Variants in CD55 observed in about 807,000 individuals in gnomAD.
CD55 encodes the protein CD55 molecule (Cromer blood group).
A neutral mutation model predicts 45.8 loss-of-function variants in CD55; 41 were observed. The ratio of observed to expected loss-of-function variants is 0.90; its 90% CI spans 0.70 to 1.16. The LOEUF (loss-of-function observed/expected upper bound fraction) is 1.16, where lower values mean the gene tolerates loss of function less well. Among genes scored for constraint, CD55 ranks in the 50% most tolerant of loss-of-function variants. The pLI, the probability that CD55 is intolerant of heterozygous loss-of-function variation, is 0.00. For synonymous variants in CD55, 181 were observed against 181.1 expected (o/e 1.00, Z 0.01); for missense variants, 416 against 469.8 (o/e 0.89, Z 1.06).
In CD55 at chr1:207,348,797, G is replaced by C. The variant is rs180886535; in HGVS notation, c.1081+9380G>C. ...TCAATCTTCTGCATATGGCTAGCCA[G>C]TTATAGCATTTATTGAATAGAGAAT... On this transcript the variant is annotated intron_variant, in intron 9 of 9. Coordinates refer to ENST00000367064, the MANE Select transcript of CD55 (RefSeq NM_000574.5). Among the ~76,000 whole-genome samples, 64 of 152,182 alleles carry C rather than the reference G, an allele frequency of 4.2e-4. No homozygotes were observed. In the East Asian group the frequency reaches 0.011, roughly 26 times the overall value.
intron 9 of CD55, among the ~76,000 whole-genome samples, chr1:207,357,503 T>C (rs1656122059): frequency 6.7e-6 from 1 of 148,758 alleles, no homozygotes; most frequent in African/African-American, 2.5e-5. Context: ...GTATAGAGTA[T>C]TATCAATTTA....
At chr1:207,334,246 G>T (rs28738984) in intron 6 of CD55, among the ~76,000 whole-genome samples, 3,021 of 152,208 alleles carry the variant, frequency 0.02, 103 homozygotes, top group African/African-American at 0.067. Flanking sequence ...TTAAAATACT[G>T]TAAGAAAATT....
chr1:207,355,719 T>C (rs1434363226), intron 9 of CD55, among the ~76,000 whole-genome samples: 1 of 152,242 alleles, frequency 6.6e-6, no homozygotes, highest in Non-Finnish European at 1.5e-5. Context: ...CATATGTTAA[T>C]GTTCAACTTC....
In CD55 at chr1:207,359,536, T is replaced by TC. The variant is rs56253023; in HGVS notation, c.1082-10_1082-9insC. 4 of 1,542,096 alleles carry TC rather than the reference T, an allele frequency of 2.6e-6. No homozygotes were observed. Among genetic ancestry groups the TC allele is most frequent in the Admixed American group, 4.1e-5 (2 of 48,938 alleles). On this transcript the variant is annotated splice_polypyrimidine_tract_variant and intron_variant, in intron 9 of 9. Transcript: ENST00000367064. ...TTTAACTTTTTTTTTTTTTTTTTTT[T>TC]AATTTTCAGGGCACACGTGTTTCAC...
intron 6 of CD55, among the ~76,000 whole-genome samples, chr1:207,336,460 A>G (rs1655176011): frequency 6.6e-6 from 1 of 152,184 alleles, no homozygotes; most frequent in Non-Finnish European, 1.5e-5. Flanking sequence ...GCACCTCAGT[A>G]TACTTTGGTA....
chr1:207,344,038 C>T (rs1187958428), intron 9 of CD55, among the ~76,000 whole-genome samples: 1 of 152,194 alleles, frequency 6.6e-6, no homozygotes, highest in Non-Finnish European at 1.5e-5. Flanking sequence ...TCTTTACTTT[C>T]AGTCACAATG....
chr1:207,335,481 T>C (rs1655128732), intron 6 of CD55, among the ~76,000 whole-genome samples: 1 of 152,184 alleles, frequency 6.6e-6, no homozygotes, highest in Non-Finnish European at 1.5e-5. Context: ...AATTAACTTC[T>C]AGGAAATTTA....
At position 207,331,316 on chromosome 1, in the gene CD55, A is replaced by G. The variant is rs560219490; in HGVS notation, c.853+20A>G. On this transcript the variant is annotated intron_variant, in intron 6 of 9. Coordinates refer to ENST00000367064, the MANE Select transcript of CD55 (RefSeq NM_000574.5). Reference sequence around the variant, plus strand: ...GCAGAGGTAATCACTTTGGATAGTTATATTTTTGCTTTATTCTTACCCTCA... The same window carrying G: ...GCAGAGGTAATCACTTTGGATAGTTGTATTTTTGCTTTATTCTTACCCTCA... 87 of 1,602,236 alleles carry G rather than the reference A, an allele frequency of 5.4e-5. 1 individual carries two copies. In the South Asian group the frequency reaches 9.0e-4, roughly 17 times the overall value.
At chr1:207,353,484 C>T (rs904501383) in intron 9 of CD55, among the ~76,000 whole-genome samples, 3 of 152,048 alleles carry the variant, frequency 2.0e-5, no homozygotes, top group Non-Finnish European at 4.4e-5. Flanking sequence ...TCTAAATGTA[C>T]TTTCAAGAGT....
At chr1:207,326,438 A>G (rs1384479892) in intron 4 of CD55, among the ~76,000 whole-genome samples, 1 of 152,178 alleles carries the variant, frequency 6.6e-6, no homozygotes, top group African/African-American at 2.4e-5. Flanking sequence ...TGAAGCCCAT[A>G]TTTAGAACTC....
At chr1:207,330,573 C>T (rs1391892937) in intron 5 of CD55, among the ~76,000 whole-genome samples, 2 of 152,154 alleles carry the variant, frequency 1.3e-5, no homozygotes, top group African/African-American at 4.8e-5. Flanking sequence ...TTTAAGATCT[C>T]TGCTGTATCC....
chr1:207,337,684 G>C (rs978348035), intron 8 of CD55: 2 of 304,830 alleles, frequency 6.6e-6, no homozygotes, highest in South Asian at 6.3e-5. Context: ...TCTGTTTCCT[G>C]TAGTAGTTTT....
chr1:207,331,033 A>C, intron 5 of CD55, 75 bp from the exon 6 acceptor site: 1 of 1,063,694 alleles, frequency 9.4e-7, no homozygotes, highest in African/African-American at 1.6e-5. Context: ...ATAATCTTTA[A>C]CATGTTTTGA....
At chr1:207,326,696 G>A (rs1040805240) in intron 4 of CD55, 56 bp from the exon 5 acceptor site, 2 of 1,292,596 alleles carry the variant, frequency 1.5e-6, no homozygotes, top group Non-Finnish European at 2.2e-6. Flanking sequence ...AGAATTTGAG[G>A]AAAGTCAAAT....
At chr1:207,331,903 A>C (rs1477575812) in intron 6 of CD55, among the ~76,000 whole-genome samples, 3 of 152,224 alleles carry the variant, frequency 2.0e-5, no homozygotes, top group Non-Finnish European at 4.4e-5. Flanking sequence ...AAGCTGGACT[A>C]AACATTGCCT....
intron 9 of CD55, chr1:207,340,597 C>G (rs1199892316): frequency 1.5e-6 from 1 of 689,134 alleles, no homozygotes; most frequent in Non-Finnish European, 2.6e-6. Context: ...GTTTCAAACT[C>G]CTGGCCGTAA....
intron 6 of CD55, 117 bp from the exon 7 acceptor site, chr1:207,336,576 C>A: frequency 8.4e-7 from 1 of 1,191,862 alleles, no homozygotes; most frequent in South Asian, 1.5e-5. Flanking sequence ...TCCTGAAAGT[C>A]ATACCTAGGT....
intron 9 of CD55, chr1:207,340,656 T>C (rs1655388827): frequency 3.3e-6 from 2 of 602,020 alleles, no homozygotes; most frequent in Non-Finnish European, 6.0e-6. Context: ...TGTGAGCCAC[T>C]GCACCTGGCC....
intron 9 of CD55, chr1:207,353,953 C>T: frequency 6.6e-7 from 1 of 1,503,928 alleles, no homozygotes; most frequent in South Asian, 1.2e-5. Flanking sequence ...AGAACAAAAC[C>T]TTTCCATAAC....
Sources: gnomAD v4.1 joint callset for allele counts (sites outside exome capture counted in the v4.1 genomes callset) on GRCh38, gnomAD v4.1.1 for gene constraint, MANE v1.5 for transcripts, NCBI Gene and HGNC (gene_info 2026-07-23, HGNC 2026-07-21) for gene names.